The following ATP9B variants were observed in gnomAD, a reference collection of about 807,000 sequenced individuals.
The protein encoded by ATP9B is ATPase phospholipid transporting 9B.
Under a neutral mutation model 146.1 loss-of-function variants are expected in ATP9B, and 110 were observed. That is an observed-to-expected ratio of 0.75 (90% confidence interval 0.65 to 0.88). The LOEUF (loss-of-function observed/expected upper bound fraction) is 0.88. ATP9B is among the 40% of genes least tolerant of loss of function. The probability of loss-of-function intolerance (pLI) is 0.00; values close to 1 mark genes in which losing one functional copy is unlikely to be tolerated. For synonymous variants in ATP9B, 604 were observed against 569.7 expected, an observed-to-expected ratio of 1.06 and a Z score of -0.86; for missense variants, 1,499 against 1,496.4, an observed-to-expected ratio of 1.00 and a Z score of -0.03.
chr18:79,342,379 C>G lies in ATP9B; in HGVS notation c.2382+13C>G, dbSNP rs113652286. 6.4e-7 allele frequency: 1 copy of G among 1,561,272 alleles called. No homozygotes were observed. Among genetic ancestry groups the G allele is most frequent in the South Asian group, 1.1e-5 (1 of 88,420 alleles). On this transcript the variant is annotated intron_variant, in intron 20 of 29. Transcript: ENST00000426216. The stretch of plus-strand genomic sequence containing the variant: ...TATTTTCAGACAGGTAAGTATGTAT[C>G]TTAATCACTTTGAATTTTTAAACAT...
chr18:79,253,674 C>A, intron 12 of ATP9B, 133 bp downstream of exon 12: 2 of 956,830 alleles, frequency 2.1e-6, no homozygotes, highest in Non-Finnish European at 1.5e-6. Flanking sequence ...TCTGAGGAAT[C>A]TTGAGGAATT....
intron 15 of ATP9B, among the ~76,000 whole-genome samples, chr18:79,323,272 G>A (rs932817269): frequency 2.0e-5 from 3 of 151,704 alleles, no homozygotes; most frequent in East Asian, 1.9e-4. Flanking sequence ...TCTGTTTATC[G>A]TTGCTTCGCG....
intron 12 of ATP9B, among the ~76,000 whole-genome samples, chr18:79,256,804 G>A (rs1039367402): frequency 2.0e-5 from 3 of 152,016 alleles, no homozygotes; most frequent in African/African-American, 4.8e-5. Flanking sequence ...CTAGACCTCC[G>A]GGCCGCAGCC....
intron 9 of ATP9B, among the ~76,000 whole-genome samples, chr18:79,195,493 G>A (rs2095409801): frequency 6.6e-6 from 1 of 152,062 alleles, no homozygotes; most frequent in South Asian, 2.1e-4. Flanking sequence ...AGCAAGGAAA[G>A]AAAAAACCTC....
chr18:79,363,347 A>T (rs2097001662), intron 26 of ATP9B: 1 of 14,966 alleles, frequency 6.7e-5, no homozygotes, highest in Non-Finnish European at 1.2e-4. Flanking sequence ...TGAGGAAAGA[A>T]ACTGTAAAAG....
intron 8 of ATP9B, among the ~76,000 whole-genome samples, chr18:79,185,273 C>T (rs2095296800): frequency 6.6e-6 from 1 of 152,156 alleles, no homozygotes; most frequent in Non-Finnish European, 1.5e-5. Context: ...ATACTGTTAT[C>T]TATAACTTTG....
intron 6 of ATP9B, among the ~76,000 whole-genome samples, chr18:79,152,655 T>C (rs2094709357): frequency 6.6e-6 from 1 of 152,192 alleles, no homozygotes; most frequent in Admixed American, 6.5e-5. Flanking sequence ...TTTTTTTCTC[T>C]TTTAGGCATT....
chr18:79,268,042 T>C (rs1175869828), intron 12 of ATP9B, among the ~76,000 whole-genome samples: 1 of 152,166 alleles, frequency 6.6e-6, no homozygotes, highest in Non-Finnish European at 1.5e-5. Context: ...TGCATACAAA[T>C]TTAAATTGTT....
intron 2 of ATP9B, 131 bp from the exon 3 acceptor site, chr18:79,110,224 A>G (rs2075913957): frequency 1.1e-5 from 9 of 799,282 alleles, no homozygotes; most frequent in Non-Finnish European, 1.6e-5. Context: ...CCCACAAATT[A>G]GCATTAGGTG....
chr18:79,184,828 C>G (rs1456834726), intron 8 of ATP9B, among the ~76,000 whole-genome samples: 1 of 152,140 alleles, frequency 6.6e-6, no homozygotes, highest in East Asian at 1.9e-4. Flanking sequence ...GCATCCTCCT[C>G]CTGAAGAACC....
intron 4 of ATP9B, among the ~76,000 whole-genome samples, chr18:79,124,018 G>A (rs943801142): frequency 1.7e-4 from 26 of 152,290 alleles, no homozygotes; most frequent in African/African-American, 5.5e-4. Context: ...AACAAGTGTT[G>A]GTGAGGATGT....
intron 6 of ATP9B, among the ~76,000 whole-genome samples, chr18:79,152,133 C>T (rs752503848): frequency 3.9e-5 from 6 of 152,210 alleles, no homozygotes; most frequent in Non-Finnish European, 8.8e-5. Context: ...GACACCATCT[C>T]ACGCCAGTTA....
intron 6 of ATP9B, among the ~76,000 whole-genome samples, chr18:79,150,364 G>GTTTA (rs1009938636): frequency 1.6e-4 from 24 of 151,880 alleles, no homozygotes; most frequent in African/African-American, 3.4e-4. Context: ...ACTCCTGGAC[G>GTTTA]TTTATCACAG....
chr18:79,102,008 C>T (rs4798894), intron 2 of ATP9B, among the ~76,000 whole-genome samples: 37,967 of 151,830 alleles, frequency 0.25, 5,079 homozygotes, highest in East Asian at 0.5. Context: ...TGCAGTGGCT[C>T]GATCTTGGCT....
intron 3 of ATP9B, among the ~76,000 whole-genome samples, chr18:79,112,812 C>T (rs545822540): frequency 1.3e-5 from 2 of 151,570 alleles, no homozygotes; most frequent in Non-Finnish European, 1.5e-5. Context: ...ATGACTTTTC[C>T]ATTGTAAGAT....
chr18:79,217,119 G>C (rs985849394), intron 11 of ATP9B, among the ~76,000 whole-genome samples: 1 of 152,252 alleles, frequency 6.6e-6, no homozygotes, highest in Non-Finnish European at 1.5e-5. Context: ...AAGACAAAGC[G>C]CTGCTGATAG....
intron 6 of ATP9B, among the ~76,000 whole-genome samples, chr18:79,147,604 G>A (rs2094612641): frequency 6.6e-6 from 1 of 152,080 alleles, no homozygotes; most frequent in Admixed American, 6.6e-5. Flanking sequence ...TAGTCTCAAG[G>A]AAACAATACA....
chr18:79,150,940 C>T (rs1234231616), intron 6 of ATP9B, among the ~76,000 whole-genome samples: 2 of 152,064 alleles, frequency 1.3e-5, no homozygotes, highest in Admixed American at 6.5e-5. Context: ...ATTGTTGAAA[C>T]GTATTAAAGA....
In ATP9B at chr18:79,239,468, C is replaced by T. The variant is rs1396235695; in HGVS notation, c.1108-13913C>T. 6.6e-6 allele frequency among the ~76,000 whole-genome samples: 1 copy of T among 152,182 alleles called. No individual in the cohort carries two copies. The highest frequency in any genetic ancestry group is 2.4e-5 in the African/African-American group (1 of 41,444). On this transcript the variant is annotated intron_variant, in intron 11 of 29. Coordinates refer to ENST00000426216, the MANE Select transcript of ATP9B (RefSeq NM_198531.5). The surrounding 1 kb of genome is among the most constrained non-coding windows in gnomAD (Gnocchi z 5.1). ...GGGTTGTGGTATGAGCACCGCCAGC[C>T]AAGTCTGCTGTGGCAGGGACAGGGA...
Sources: allele counts gnomAD v4.1 joint callset (sites outside exome capture counted in the v4.1 genomes callset), GRCh38; gene constraint gnomAD v4.1.1; non-coding constraint Gnocchi (gnomAD v3.1); transcripts MANE v1.5; gene names NCBI Gene and HGNC (gene_info 2026-07-23, HGNC 2026-07-21).